Variants in SLC35F5 observed in about 807,000 individuals in gnomAD.
The protein encoded by SLC35F5 is HCV NS5A-transactivated protein 3.
In SLC35F5, 54 loss-of-function variants were observed where a neutral mutation model predicts 68.6. The observed-to-expected ratio is 0.79, with a 90% CI of 0.63 to 0.99. SLC35F5 has a LOEUF of 0.99. Among genes scored for constraint, SLC35F5 ranks in the 50% least tolerant of loss-of-function variants. The probability of loss-of-function intolerance (pLI) is 0.00; values close to 1 mark genes in which losing one functional copy is unlikely to be tolerated. For synonymous variants in SLC35F5, 211 were observed against 205.2 expected (o/e 1.03, Z -0.24); for missense variants, 567 against 626.9 (o/e 0.90, Z 1.02).
chr2:113,729,020 G>A lies in SLC35F5; in HGVS notation c.1090+381C>T, dbSNP rs538232870. 4.6e-5 allele frequency among the ~76,000 whole-genome samples: 7 copies of A among 152,350 alleles called. No individual in the cohort carries two copies. The South Asian group carries it at 1.4e-3, about 32-fold the overall frequency. On this transcript the variant is annotated intron_variant, in intron 11 of 15. Coordinates refer to ENST00000245680, the MANE Select transcript of SLC35F5 (RefSeq NM_025181.5). ...GCATTAAACATATAATTCGGGGGCA[G>A]TCTCCCCAGTCCTTTGCTAACTATT...
chr2:113,710,969 G>A lies in SLC35F5; in HGVS notation c.*4249C>T, dbSNP rs1466568665. ...GAATGCCTAGCATACAACGATCTAA[G>A]TGAAAGTTAATAAAAGTAGCTCTTC... On this transcript the variant is annotated 3_prime_UTR_variant, in exon 16 of 16. Transcript: ENST00000245680. 6.6e-6 allele frequency among the ~76,000 whole-genome samples: 1 copy of A among 152,152 alleles called. No homozygotes were observed. The highest frequency in any genetic ancestry group is 1.5e-5 in the Non-Finnish European group (1 of 68,028).
downstream of SLC35F5, among the ~76,000 whole-genome samples, chr2:113,706,194 C>A (rs1467424015): frequency 1.2e-4 from 18 of 152,290 alleles, no homozygotes; most frequent in Non-Finnish European, 1.5e-5. Flanking sequence ...GGAGTCGACA[C>A]CAGAGGGATA....
downstream of SLC35F5, chr2:113,704,148 T>C (rs1686749961): frequency 6.6e-6 from 1 of 152,334 alleles, no homozygotes; most frequent in Non-Finnish European, 1.5e-5. Context: ...CTCCCACAGC[T>C]CGGTAAGGGA....
At chr2:113,742,031 T>C (rs1676297117) in intron 7 of SLC35F5, 1 of 152,198 alleles carries the variant, frequency 6.6e-6, no homozygotes, top group Non-Finnish European at 1.5e-5. Flanking sequence ...GATGTACACA[T>C]AAAATATCAC....
At chr2:113,742,512 G>A (rs756923073) in intron 7 of SLC35F5, 180 bp downstream of exon 7, 2 of 611,316 alleles carry the variant, frequency 3.3e-6, no homozygotes, top group Non-Finnish European at 2.9e-6. Context: ...ACTCTTTGAG[G>A]TATATCAAGC....
At position 113,731,600 on chromosome 2, in the gene SLC35F5, A is replaced by G; in HGVS notation, c.969T>C (p.Ala323=). The G allele has an allele frequency of 1.2e-6, 2 of 1,613,184 alleles. No homozygotes were observed. Among genetic ancestry groups the G allele is most frequent in the Non-Finnish European group, 1.7e-6 (2 of 1,179,330 alleles). ...LVNLAGSEKP[A]GRDTVGSIWS... Reference sequence around the variant, plus strand: ...AGTACTTACCTACTGTGTCTCTTCCAGCAGGTTTTTCAGACCCTGCCAGGT... The same window carrying G: ...AGTACTTACCTACTGTGTCTCTTCCGGCAGGTTTTTCAGACCCTGCCAGGT... The change falls in exon 10 of 16, where the codon GCT becomes GCC. Residue 323 remains alanine (A), a synonymous_variant. Coordinates refer to ENST00000245680, the MANE Select transcript of SLC35F5 (RefSeq NM_025181.5).
At chr2:113,704,316 G>C (rs1046681530), downstream of SLC35F5, among the ~76,000 whole-genome samples, 8 of 152,208 alleles carry the variant, frequency 5.3e-5, no homozygotes, top group Non-Finnish European at 8.8e-5. Context: ...TAGACACAAA[G>C]GTTCTCCAAG....
Position 113,756,606 on chromosome 2 carries a change from G to T in SLC35F5, c.-197C>A. The T allele has an allele frequency of 1.5e-6, 2 of 1,378,096 alleles. No individual in the cohort carries two copies. The highest frequency in any genetic ancestry group is 1.5e-5 in the African/African-American group (1 of 66,006). The allele number at this position is 1,378,096 out of a possible 1,614,324, so 85.4% of individuals were successfully genotyped here. Reference sequence around the variant, plus strand: ...CGTGGAGCGGGTGAGGGGAAGGGACGGCACAGTCAGCTATGGCCGCGGAGG... The same window carrying T: ...CGTGGAGCGGGTGAGGGGAAGGGACTGCACAGTCAGCTATGGCCGCGGAGG... On this transcript the variant is annotated 5_prime_UTR_variant, in exon 1 of 16. Coordinates refer to ENST00000245680, the MANE Select transcript of SLC35F5 (RefSeq NM_025181.5).
At position 113,744,924 on chromosome 2, in the gene SLC35F5, AT is replaced by A. The variant is rs367953642; in HGVS notation, c.481-1131del. On this transcript the variant is annotated intron_variant, in intron 5 of 15. Coordinates refer to ENST00000245680, the MANE Select transcript of SLC35F5 (RefSeq NM_025181.5). Reference sequence around the variant, plus strand: ...TGCAAATGTTCTTCAGATGATCTATATTTAAGGTACAAATCTCCAACTAGGC... The same window carrying A: ...TGCAAATGTTCTTCAGATGATCTATATTAAGGTACAAATCTCCAACTAGGC... Among the ~76,000 whole-genome samples, 8 of 152,304 alleles carry A rather than the reference AT, an allele frequency of 5.3e-5. No homozygotes were observed. In the South Asian group the frequency reaches 1.5e-3, roughly 28 times the overall value.
intron 3 of SLC35F5, among the ~76,000 whole-genome samples, chr2:113,751,557 C>T (rs1676739563): frequency 6.6e-6 from 1 of 152,100 alleles, no homozygotes; most frequent in African/African-American, 2.4e-5. Flanking sequence ...CACCTATAAT[C>T]CCAGCACTTT....
At chr2:113,755,838 T>C in intron 1 of SLC35F5, 2 of 1,549,430 alleles carry the variant, frequency 1.3e-6, no homozygotes, top group Non-Finnish European at 1.7e-6. Flanking sequence ...GTTTCACAAA[T>C]ACGGAACTCC....
chr2:113,756,342 A>T, intron 1 of SLC35F5, 28 bp downstream of exon 1: 2 of 1,562,906 alleles, frequency 1.3e-6, no homozygotes, highest in Non-Finnish European at 1.7e-6. Context: ...GGCTCCGGTG[A>T]TGTCGGGGCC....
intron 12 of SLC35F5, 73 bp from the exon 13 acceptor site, chr2:113,723,267 T>C (rs1687524389): frequency 2.0e-6 from 2 of 1,014,564 alleles, no homozygotes; most frequent in Non-Finnish European, 2.8e-6. Context: ...AAAGACTTTC[T>C]ATCCTATAAT....
Position 113,717,937 on chromosome 2 carries a change from T to C in SLC35F5, c.1497-87A>G. ...TTATTTATTCCATTGCCTGAAGCTATGTGGACAGGATGCAAGTCAGTGGCA... is the reference window on the plus strand; with the variant it reads ...TTATTTATTCCATTGCCTGAAGCTACGTGGACAGGATGCAAGTCAGTGGCA... On this transcript the variant is annotated intron_variant, in intron 14 of 15. Transcript: ENST00000245680. 3.3e-6 allele frequency: 3 copies of C among 903,412 alleles called. No individual in the cohort carries two copies. In the South Asian group the frequency reaches 4.9e-5, roughly 15 times the overall value. The allele number at this position is 903,412 out of a possible 1,614,324, so 56.0% of individuals were successfully genotyped here.
intron 12 of SLC35F5, among the ~76,000 whole-genome samples, chr2:113,723,933 G>A (rs1687557626): frequency 6.6e-6 from 1 of 152,142 alleles, no homozygotes; most frequent in African/African-American, 2.4e-5. Context: ...CATATAAGGA[G>A]AAAATGAATT....
chr2:113,734,933 T>C (rs781456951), intron 8 of SLC35F5, among the ~76,000 whole-genome samples: 30 of 152,204 alleles, frequency 2.0e-4, no homozygotes, highest in African/African-American at 2.9e-4. Flanking sequence ...TTTAAACTAA[T>C]AGGAAACTTA....
At chr2:113,726,517 T>C (rs7561042) in intron 11 of SLC35F5, among the ~76,000 whole-genome samples, 58,227 of 152,038 alleles carry the variant, frequency 0.38, 11,638 homozygotes, top group Middle Eastern at 0.57. Context: ...ACAGTAGATA[T>C]ATAATTGATA....
rs994489011 is a variant in SLC35F5 at position 113,713,622 on chromosome 2, T to G, written c.*1596A>C. On this transcript the variant is annotated 3_prime_UTR_variant, in exon 16 of 16. Coordinates refer to ENST00000245680, the MANE Select transcript of SLC35F5 (RefSeq NM_025181.5). ...AAAATTCCTCAGAAGTCCACATTCT[T>G]TACATGCCTTCACCCTGTTGAGCTA... is the stretch of plus-strand genomic sequence containing the variant. 1 of 152,138 alleles carries G rather than the reference T, an allele frequency of 6.6e-6. No homozygotes were observed. The allele number at this position is 152,138 out of a possible 1,614,324, so 9.4% of individuals were successfully genotyped here. A position where few individuals can be genotyped will look rare whatever the true frequency, so the allele number is the denominator to read the frequency against.
At chr2:113,724,950 T>C (rs1221101578) in intron 12 of SLC35F5, among the ~76,000 whole-genome samples, 1 of 152,156 alleles carries the variant, frequency 6.6e-6, no homozygotes, top group African/African-American at 2.4e-5. Context: ...AAAACACCTA[T>C]GAACAAGCAA....
Sources: allele counts gnomAD v4.1 joint callset (sites outside exome capture counted in the v4.1 genomes callset), GRCh38; gene constraint gnomAD v4.1.1; transcripts MANE v1.5; gene names NCBI Gene and HGNC (gene_info 2026-07-23, HGNC 2026-07-21).